The following GPR158 variants were observed in gnomAD, a reference collection of about 807,000 sequenced individuals.
GPR158 encodes metabotropic glycine receptor.
A neutral mutation model predicts 78.2 loss-of-function variants in GPR158; 30 were observed. The observed-to-expected ratio is 0.38, with a 90% CI of 0.29 to 0.52. The LOEUF (loss-of-function observed/expected upper bound fraction) is 0.52, where lower values mean the gene tolerates loss of function less well. Among genes scored for constraint, GPR158 ranks in the 20% least tolerant of loss-of-function variants. The probability of loss-of-function intolerance (pLI) is 0.83; values close to 1 mark genes in which losing one functional copy is unlikely to be tolerated. For synonymous variants in GPR158, 581 were observed against 591.1 expected (o/e 0.98, Z 0.25); for missense variants, 1,463 against 1,523.5 (o/e 0.96, Z 0.66).
At chr10:25,571,171 A>T (rs1466775534) in intron 6 of GPR158, among the ~76,000 whole-genome samples, 4 of 152,178 alleles carry the variant, frequency 2.6e-5, no homozygotes, top group African/African-American at 9.7e-5. Flanking sequence ...CAGAATGGAG[A>T]GTAACTGTTA....
At chr10:25,525,079 C>T (rs1439441973) in intron 5 of GPR158, among the ~76,000 whole-genome samples, 1 of 152,146 alleles carries the variant, frequency 6.6e-6, no homozygotes, top group Non-Finnish European at 1.5e-5. Flanking sequence ...TAACACTTCA[C>T]ACCCACAAGG....
rs111910695 is a variant in GPR158, at chr10:25,333,608, G to A, written c.1009-62303G>A. Among the ~76,000 whole-genome samples the A allele has an allele frequency of 9.1e-3, 1,385 of 152,254 alleles. 6 individuals are homozygous for A. Among genetic ancestry groups the A allele is most frequent in the Non-Finnish European group, 0.015 (987 of 68,014 alleles). On this transcript the variant is annotated intron_variant, in intron 2 of 10. Coordinates refer to ENST00000376351, the MANE Select transcript of GPR158 (RefSeq NM_020752.3). ...CTAAGTAGCTGGATATGTTACAATG[G>A]AAAAGGGAGAATGAATGATTGAAAA...
intron 7 of GPR158, among the ~76,000 whole-genome samples, chr10:25,581,102 G>A (rs897959574): frequency 6.7e-6 from 1 of 149,108 alleles, no homozygotes; most frequent in Non-Finnish European, 1.5e-5. Context: ...TTTTTTTTTT[G>A]TATTTTTAGT....
chr10:25,579,466 G>A (rs548457341), intron 7 of GPR158, among the ~76,000 whole-genome samples: 7 of 152,250 alleles, frequency 4.6e-5, no homozygotes, highest in East Asian at 3.9e-4. Flanking sequence ...TTATAACAGA[G>A]GTAGTGATGT....
chr10:25,451,812 CATT>C (rs1008609942), intron 4 of GPR158, among the ~76,000 whole-genome samples: 2 of 152,056 alleles, frequency 1.3e-5, no homozygotes, highest in African/African-American at 2.4e-5. Context: ...CAGCTGTTGT[CATT>C]ATTGTTATCA....
At chr10:25,276,950 T>A (rs1031494962) in intron 2 of GPR158, among the ~76,000 whole-genome samples, 12 of 151,232 alleles carry the variant, frequency 7.9e-5, no homozygotes, top group African/African-American at 2.2e-4. Context: ...TCCAACTATT[T>A]TTTTTTTTTT....
intron 2 of GPR158, among the ~76,000 whole-genome samples, chr10:25,367,397 A>G (rs1230593206): frequency 6.6e-6 from 1 of 151,716 alleles, no homozygotes; most frequent in Non-Finnish European, 1.5e-5. Flanking sequence ...TGCCTTACAA[A>G]AAGTTTCGAT....
At position 25,481,660 on chromosome 10, in the gene GPR158, C is replaced by T. The variant is rs908806152; in HGVS notation, c.1404+14941C>T. On this transcript the variant is annotated intron_variant, in intron 5 of 10. Coordinates refer to ENST00000376351, the MANE Select transcript of GPR158 (RefSeq NM_020752.3). The stretch of plus-strand genomic sequence containing the variant: ...ATGCCTAGAAGTGGAATTGCTGCAT[C>T]ATATGGTAAATCTATGTTTAACTTT... 5.4e-4 allele frequency among the ~76,000 whole-genome samples: 82 copies of T among 152,182 alleles called. 1 individual carries two copies. The highest frequency in any genetic ancestry group is 2.0e-3 in the African/African-American group (81 of 41,454).
At chr10:25,180,315 A>G (rs1189218070) in intron 1 of GPR158, among the ~76,000 whole-genome samples, 1 of 152,216 alleles carries the variant, frequency 6.6e-6, no homozygotes, top group African/African-American at 2.4e-5. Flanking sequence ...ACTCTCAGGT[A>G]GCAACCAGTT....
chr10:25,471,700 C>A (rs1243113283), intron 5 of GPR158, among the ~76,000 whole-genome samples: 1 of 152,182 alleles, frequency 6.6e-6, no homozygotes, highest in African/African-American at 2.4e-5. Context: ...ATTTGCATTT[C>A]TCTGATGGCC....
At chr10:25,249,341 A>T (rs923881296) in intron 2 of GPR158, among the ~76,000 whole-genome samples, 2 of 152,182 alleles carry the variant, frequency 1.3e-5, no homozygotes, top group African/African-American at 4.8e-5. Flanking sequence ...AGAACTTCCA[A>T]CACTATGTTG....
chr10:25,425,211 A>G (rs1389128518), intron 4 of GPR158, among the ~76,000 whole-genome samples: 1 of 152,090 alleles, frequency 6.6e-6, no homozygotes, highest in Non-Finnish European at 1.5e-5. Flanking sequence ...AATGCTTGTG[A>G]TTTTTGAACA....
chr10:25,205,677 T>A (rs2791326), intron 1 of GPR158, among the ~76,000 whole-genome samples: 21,386 of 152,028 alleles, frequency 0.14, 1,839 homozygotes, highest in East Asian at 0.29. Flanking sequence ...GTCATTGTTT[T>A]ACCAAAAGCT....
At chr10:25,472,604 G>A (rs1189025001) in intron 5 of GPR158, among the ~76,000 whole-genome samples, 1 of 152,214 alleles carries the variant, frequency 6.6e-6, no homozygotes, top group Admixed American at 6.5e-5. Context: ...AGCATGGAAT[G>A]TTCTTCCATT....
intron 2 of GPR158, among the ~76,000 whole-genome samples, chr10:25,319,399 G>A (rs908043964): frequency 2.0e-5 from 3 of 152,028 alleles, no homozygotes; most frequent in Non-Finnish European, 4.4e-5. Flanking sequence ...AATTCCCATT[G>A]TGTTAATCTA....
intron 7 of GPR158, among the ~76,000 whole-genome samples, chr10:25,588,363 C>G (rs1306246475): frequency 6.6e-6 from 1 of 152,218 alleles, no homozygotes; most frequent in Non-Finnish European, 1.5e-5. Context: ...AGCTGCTACA[C>G]TGTGCTCGTC....
chr10:25,342,341 T>G (rs1296160838), intron 2 of GPR158, among the ~76,000 whole-genome samples: 1 of 151,960 alleles, frequency 6.6e-6, no homozygotes, highest in Non-Finnish European at 1.5e-5. Context: ...TTGTTCCACC[T>G]TCTTGTTTCT....
intron 2 of GPR158, among the ~76,000 whole-genome samples, chr10:25,240,211 G>A (rs867383392): frequency 2.6e-5 from 4 of 152,012 alleles, no homozygotes; most frequent in African/African-American, 7.2e-5. Context: ...TGAAAGTTCA[G>A]AAAGAGATCA....
At chr10:25,289,204 G>T (rs1283274743) in intron 2 of GPR158, among the ~76,000 whole-genome samples, 1 of 152,164 alleles carries the variant, frequency 6.6e-6, no homozygotes, top group Non-Finnish European at 1.5e-5. Context: ...GGACACTGGG[G>T]ACACAAAGTT....
Sources: gnomAD v4.1 joint callset for allele counts (sites outside exome capture counted in the v4.1 genomes callset) on GRCh38, gnomAD v4.1.1 for gene constraint, MANE v1.5 for transcripts, NCBI Gene and HGNC (gene_info 2026-07-23, HGNC 2026-07-21) for gene names.